The following IFNAR1 variants were observed in gnomAD, a reference collection of about 807,000 sequenced individuals.
The protein encoded by IFNAR1 is interferon alpha and beta receptor subunit 1.
IFNAR1 carries 47 observed loss-of-function variants against 62.1 expected under a neutral mutation model. The ratio of observed to expected loss-of-function variants is 0.76; its 90% CI spans 0.60 to 0.97. The LOEUF (loss-of-function observed/expected upper bound fraction) is 0.97, where lower values mean the gene tolerates loss of function less well. Among genes scored for constraint, IFNAR1 ranks in the 50% least tolerant of loss-of-function variants. IFNAR1 has a pLI of 0.00. For missense variants in IFNAR1, 638 were observed against 654.5 expected (o/e 0.97, Z 0.27); for synonymous variants, 219 against 226.9 (o/e 0.97, Z 0.31).
intron 2 of IFNAR1, among the ~76,000 whole-genome samples, chr21:33,335,852 G>C (rs2083228778): frequency 6.6e-6 from 1 of 151,224 alleles, no homozygotes; most frequent in Non-Finnish European, 1.5e-5. Flanking sequence ...AATTGGGGAT[G>C]AGGGTGGTAG....
chr21:33,332,552 G>A (rs1341946582), intron 1 of IFNAR1, among the ~76,000 whole-genome samples: 9 of 152,050 alleles, frequency 5.9e-5, no homozygotes, highest in African/African-American at 2.2e-4. Context: ...ACAAATTGCT[G>A]GAAAAGGAAT....
In IFNAR1 at chr21:33,353,633, T is replaced by C. The variant is rs772543090; in HGVS notation, c.1295-5T>C. 5 of 1,517,834 alleles carry C rather than the reference T, an allele frequency of 3.3e-6. No homozygotes were observed. The highest frequency in any genetic ancestry group is 1.4e-5 in the African/African-American group (1 of 71,198). The allele number at this position is 1,517,834 out of a possible 1,614,324, so 94.0% of individuals were successfully genotyped here. A position where few individuals can be genotyped will look rare whatever the true frequency, so the allele number is the denominator to read the frequency against. On this transcript the variant is annotated splice_region_variant and splice_polypyrimidine_tract_variant and intron_variant, in intron 9 of 10. Transcript: ENST00000270139. ...ATATGCTAAATATCACGTATATCTT[T>C]TTAGGAAATACCTCTAAAATTTGGC...
intron 8 of IFNAR1, among the ~76,000 whole-genome samples, chr21:33,349,998 A>G (rs2083385180): frequency 6.6e-6 from 1 of 151,612 alleles, no homozygotes; most frequent in South Asian, 2.1e-4. Flanking sequence ...TGCACTGTAG[A>G]GTTATGGGTG....
intron 1 of IFNAR1, among the ~76,000 whole-genome samples, chr21:33,330,290 A>G (rs2083163857): frequency 2.0e-5 from 3 of 149,338 alleles, no homozygotes; most frequent in South Asian, 2.1e-4. Flanking sequence ...CATTGTTACA[A>G]CCCCCTCCCC....
intron 10 of IFNAR1, among the ~76,000 whole-genome samples, chr21:33,354,663 A>C (rs1350437486): frequency 6.6e-6 from 1 of 152,160 alleles, no homozygotes; most frequent in Non-Finnish European, 1.5e-5. Flanking sequence ...TGTTCCTGGG[A>C]AACCATGTGC....
chr21:33,353,964 G>C (rs551104617), intron 10 of IFNAR1, among the ~76,000 whole-genome samples, 181 bp downstream of exon 10: 4 of 152,294 alleles, frequency 2.6e-5, no homozygotes, highest in African/African-American at 9.6e-5. Flanking sequence ...TAATAACATA[G>C]CATGAGATAG....
Position 33,357,466 on chromosome 21 carries a change from T to G in IFNAR1, c.*1917T>G, listed in dbSNP as rs1428796441. On this transcript the variant is annotated 3_prime_UTR_variant, in exon 11 of 11. Coordinates refer to ENST00000270139, the MANE Select transcript of IFNAR1 (RefSeq NM_000629.3). ...ATTGAGGAGACCCAGGAATCTCATC[T>G]GAGAACCCACTCTCTGCCGGAGAAC... 6.6e-6 allele frequency: 1 copy of G among 151,962 alleles called. No homozygotes were observed. The highest frequency in any genetic ancestry group is 2.4e-5 in the African/African-American group (1 of 41,326). 9.4% of individuals were successfully genotyped at this position (151,962 alleles called of 1,614,324 possible).
chr21:33,350,116 A>T (rs1011124801), intron 8 of IFNAR1, among the ~76,000 whole-genome samples: 2 of 151,350 alleles, frequency 1.3e-5, no homozygotes, highest in African/African-American at 4.9e-5. Flanking sequence ...TTTTAACATG[A>T]TTCCCATGTA....
chr21:33,334,180 A>G (rs890220075), intron 1 of IFNAR1, among the ~76,000 whole-genome samples: 1 of 152,244 alleles, frequency 6.6e-6, no homozygotes, highest in Non-Finnish European at 1.5e-5. Context: ...AGATATATAA[A>G]GTAAATATTA....
chr21:33,339,564 T>G (rs2083274795), intron 2 of IFNAR1, among the ~76,000 whole-genome samples: 1 of 152,166 alleles, frequency 6.6e-6, no homozygotes, highest in Non-Finnish European at 1.5e-5. Context: ...CAAAAATGCC[T>G]TCCCAGAAGA....
chr21:33,344,199 CTT>C (rs2083322462), intron 5 of IFNAR1, among the ~76,000 whole-genome samples: 1 of 152,012 alleles, frequency 6.6e-6, no homozygotes, highest in Admixed American at 6.6e-5. Flanking sequence ...AATGACAAAA[CTT>C]TTCATTTGTT....
At chr21:33,332,628 G>A (rs1275799838) in intron 1 of IFNAR1, among the ~76,000 whole-genome samples, 1 of 151,946 alleles carries the variant, frequency 6.6e-6, no homozygotes, top group Non-Finnish European at 1.5e-5. Context: ...AATGAATCAG[G>A]AAAACAATTC....
rs35938061 is a variant in IFNAR1 at position 33,346,008 on chromosome 21, C to T, written c.788+648C>T. 4.6e-5 allele frequency among the ~76,000 whole-genome samples: 7 copies of T among 152,152 alleles called. No individual in the cohort carries two copies. The East Asian group carries it at 1.3e-3, about 29-fold the overall frequency. On this transcript the variant is annotated intron_variant, in intron 6 of 10. Transcript: ENST00000270139. ...CTGAGGCAGGAGGATTACTTGAGGC[C>T]AGGAATTGAGGCTGCAGTGTTGTAT...
At chr21:33,354,199 G>A (rs1227595737) in intron 10 of IFNAR1, among the ~76,000 whole-genome samples, 3 of 151,986 alleles carry the variant, frequency 2.0e-5, no homozygotes, top group African/African-American at 4.8e-5. Flanking sequence ...AAAATTAGCC[G>A]GGCGTGGTGG....
intron 2 of IFNAR1, among the ~76,000 whole-genome samples, chr21:33,336,658 A>T (rs1477933775): frequency 2.0e-5 from 3 of 152,200 alleles, no homozygotes; most frequent in Non-Finnish European, 2.9e-5. Context: ...CAAAAGGTCC[A>T]TCGAAGACCT....
chr21:33,324,845 A>AGGAGGAAAGGCGCGTGCGT (rs2083107446), upstream of IFNAR1: 15 of 580,610 alleles, frequency 2.6e-5, no homozygotes, highest in African/African-American at 5.7e-5. Flanking sequence ...GGTGCTAGCT[A>AGGAGGAAAGGCGCGTGCGT]GGAGGAAAGG....
At chr21:33,346,125 AAG>A (rs2083343338) in intron 6 of IFNAR1, among the ~76,000 whole-genome samples, 1 of 152,228 alleles carries the variant, frequency 6.6e-6, no homozygotes, top group Admixed American at 6.5e-5. Flanking sequence ...AAGCTGATAA[AAG>A]AGAACTGCAT....
chr21:33,335,511 G>C lies in IFNAR1; in HGVS notation c.77-13G>C. 6.6e-7 allele frequency: 1 copy of C among 1,520,102 alleles called. No individual in the cohort carries two copies. Among genetic ancestry groups the C allele is most frequent in the South Asian group, 1.2e-5 (1 of 85,496 alleles). The allele number at this position is 1,520,102 out of a possible 1,614,324, so 94.2% of individuals were successfully genotyped here. ...TTTGTATATAATGTTCTTATTTCTT[G>C]TTGCTTTTATAGGTGGAAAAAATCT... On this transcript the variant is annotated splice_polypyrimidine_tract_variant and intron_variant, in intron 1 of 10. Coordinates refer to ENST00000270139, the MANE Select transcript of IFNAR1 (RefSeq NM_000629.3).
At chr21:33,353,225 T>C (rs1206590322) in intron 9 of IFNAR1, among the ~76,000 whole-genome samples, 1 of 152,246 alleles carries the variant, frequency 6.6e-6, no homozygotes, top group Non-Finnish European at 1.5e-5. Context: ...ATAATTATCA[T>C]GTAGAAATCA....
Sources: allele counts gnomAD v4.1 joint callset (sites outside exome capture counted in the v4.1 genomes callset), GRCh38; gene constraint gnomAD v4.1.1; transcripts MANE v1.5; gene names NCBI Gene and HGNC (gene_info 2026-07-23, HGNC 2026-07-21).